NBPF9: variants seen among roughly 807,000 people sequenced by gnomAD.
NBPF9 encodes the protein NBPF member 9.
Under a neutral mutation model 97.8 loss-of-function variants are expected in NBPF9, and 91 were observed. The observed-to-expected ratio is 0.93, with a 90% confidence interval of 0.79 to 1.11. The LOEUF is 1.11. Among genes scored for constraint, NBPF9 ranks in the 50% least tolerant of loss-of-function variants. The probability of loss-of-function intolerance (pLI) is 0.00; values close to 1 mark genes in which losing one functional copy is unlikely to be tolerated. For synonymous variants in NBPF9, 334 were observed against 359.5 expected (o/e 0.93, Z 0.80); for missense variants, 992 against 939.5 (o/e 1.06, Z -0.73).
At chr1:149,073,085 G>A (rs1164990165) in intron 13 of NBPF9, among the ~76,000 whole-genome samples, 153 bp from the exon 14 acceptor site, 1 of 149,944 alleles carries the variant, frequency 6.7e-6, no homozygotes, top group Non-Finnish European at 1.5e-5. Flanking sequence ...CCAAGAGAAA[G>A]AATAGAAAAT....
chr1:149,060,502 C>T, intron 24 of NBPF9, 21 bp downstream of exon 24: 1 of 296,008 alleles, frequency 3.4e-6, no homozygotes, highest in East Asian at 4.6e-5. Context: ...ATCCTTATCA[C>T]CTTCATAGAA....
At chr1:149,076,934 A>G (rs1442715688) in intron 11 of NBPF9, among the ~76,000 whole-genome samples, 1 of 151,380 alleles carries the variant, frequency 6.6e-6, no homozygotes, top group Non-Finnish European at 1.5e-5. Flanking sequence ...AGTTGGGACT[A>G]TAGGCATGCA....
rs1283488240 is a variant in NBPF9 at position 149,085,835 on chromosome 1, A to T, written c.-194-3405T>A. On this transcript the variant is annotated intron_variant, in intron 5 of 29. Transcript: ENST00000584027. ...TAATTCAATGCACGTTTACAAATGG[A>T]TACACTAACGGAACTACTGTCACAA... 2.5e-4 allele frequency among the ~76,000 whole-genome samples: 38 copies of T among 152,028 alleles called. No individual in the cohort carries two copies. In the East Asian group the frequency reaches 7.0e-3, roughly 28 times the overall value.
intron 11 of NBPF9, among the ~76,000 whole-genome samples, chr1:149,076,158 T>C (rs2079848811): frequency 6.6e-6 from 1 of 151,968 alleles, no homozygotes; most frequent in African/African-American, 2.4e-5. Flanking sequence ...TGTTTCTGTG[T>C]AGCACAAAAG....
In NBPF9 at chr1:149,092,793, A is replaced by C. The variant is rs2081491044; in HGVS notation, c.-336-1899T>G. ...TTCCAGAGCCCTTGCCACCTGAAGA[A>C]GACAATGAGGGGTATTTCAGGCACT... On this transcript the variant is annotated intron_variant, in intron 4 of 29. Transcript: ENST00000584027. The C allele has an allele frequency of 6.6e-6, 5 of 759,218 alleles. No homozygotes were observed. In the Admixed American group the frequency reaches 2.5e-4, roughly 38 times the overall value. 47.0% of individuals were successfully genotyped at this position (759,218 alleles called of 1,614,324 possible).
At chr1:149,079,653 G>A (rs1370432820) in intron 8 of NBPF9, among the ~76,000 whole-genome samples, 1 of 150,696 alleles carries the variant, frequency 6.6e-6, no homozygotes, top group Non-Finnish European at 1.5e-5. Context: ...AAGAATGACA[G>A]GGTCGAGAAG....
At chr1:149,062,816 C>A (rs2078718853) in intron 21 of NBPF9, 46 bp downstream of exon 21, 1 of 715,832 alleles carries the variant, frequency 1.4e-6, no homozygotes. Context: ...CCTGGCATCT[C>A]CAGGTGTCAA....
intron 16 of NBPF9, among the ~76,000 whole-genome samples, chr1:149,069,989 T>C (rs587770707): frequency 7.4e-6 from 1 of 134,246 alleles, no homozygotes; most frequent in Non-Finnish European, 1.6e-5. Flanking sequence ...CCAGGTAACA[T>C]GGACATTAAA....
At chr1:149,100,794 G>A (rs1553663117) in intron 3 of NBPF9, among the ~76,000 whole-genome samples, 1 of 151,892 alleles carries the variant, frequency 6.6e-6, no homozygotes, top group East Asian at 1.9e-4. Flanking sequence ...ATTAAGCCAG[G>A]CATGGTGGCA....
chr1:149,098,569 C>G (rs71239346), exon 4 of NBPF9: 3 of 1,445,922 alleles, frequency 2.1e-6, no homozygotes, highest in South Asian at 1.5e-5. Flanking sequence ...ATTGGTGGCA[C>G]CCCCAGCATG....
intron 14 of NBPF9, 144 bp downstream of exon 14, chr1:149,072,574 C>T: frequency 1.4e-6 from 2 of 1,400,824 alleles, no homozygotes; most frequent in East Asian, 4.6e-5. Flanking sequence ...TCCGTTCTTA[C>T]CCAAGAAGTC....
intron 11 of NBPF9, among the ~76,000 whole-genome samples, chr1:149,076,582 A>G (rs1258879993): frequency 1.5e-4 from 22 of 149,132 alleles, no homozygotes; most frequent in African/African-American, 5.4e-4. Context: ...GGCTCACTGC[A>G]AGCTCCGGTT....
intron 11 of NBPF9, among the ~76,000 whole-genome samples, chr1:149,076,423 C>T (rs322076): frequency 0.042 from 6,273 of 151,038 alleles, 497 homozygotes; most frequent in African/African-American, 0.14. Context: ...TTTCGAACTC[C>T]TGAGCTCAGG....
rs3871944 is a variant in NBPF9 at position 149,062,742 on chromosome 1, G to A, written c.2078+120C>T. On this transcript the variant is annotated intron_variant, in intron 21 of 29. Transcript: ENST00000584027. ...ACTGCAATGAAAACCAACAGCAATGGCAGTAGGAGTAATTCAACCTCCGTT... is the reference window on the plus strand; with the variant it reads ...ACTGCAATGAAAACCAACAGCAATGACAGTAGGAGTAATTCAACCTCCGTT... The A allele has an allele frequency of 6.5e-6, 5 of 767,162 alleles. No homozygotes were observed. The East Asian group carries it at 7.3e-5, about 11-fold the overall frequency. 47.5% of individuals were successfully genotyped at this position (767,162 alleles called of 1,614,324 possible). A position where few individuals can be genotyped will look rare whatever the true frequency, so the allele number is the denominator to read the frequency against.
At chr1:149,074,157 C>T (rs1160969203) in intron 12 of NBPF9, among the ~76,000 whole-genome samples, 1 of 151,424 alleles carries the variant, frequency 6.6e-6, no homozygotes, top group Non-Finnish European at 1.5e-5. Flanking sequence ...TGAGGTCTGA[C>T]TCTGAATGCG....
exon 30 of NBPF9, chr1:149,055,532 G>A (rs1370851063): frequency 6.4e-7 from 1 of 1,560,900 alleles, no homozygotes; most frequent in African/African-American, 1.4e-5. Context: ...AATAGGAATA[G>A]AGCCATGCCC....
exon 10 of NBPF9, chr1:149,077,901 A>G: frequency 3.4e-6 from 5 of 1,489,180 alleles, no homozygotes; most frequent in Non-Finnish European, 1.9e-6. Context: ...AGATGATTCC[A>G]GTACTTTCTC....
chr1:149,077,632 C>G (rs1240304239), intron 10 of NBPF9, among the ~76,000 whole-genome samples: 11 of 152,216 alleles, frequency 7.2e-5, no homozygotes, highest in African/African-American at 2.7e-4. Context: ...AGCTGGTGTT[C>G]AGTGCACTGG....
intron 1 of NBPF9, among the ~76,000 whole-genome samples, chr1:149,103,069 A>T (rs1382683209): frequency 2.4e-4 from 36 of 151,998 alleles, no homozygotes; most frequent in African/African-American, 8.7e-4. Flanking sequence ...CCCGCCAGCG[A>T]GTTTCTTCCC....
Sources: allele counts gnomAD v4.1 joint callset (sites outside exome capture counted in the v4.1 genomes callset), GRCh38; gene constraint gnomAD v4.1.1; transcripts MANE v1.5; gene names NCBI Gene and HGNC (gene_info 2026-07-23, HGNC 2026-07-21).